Variants in AGMO observed in about 807,000 individuals in gnomAD.
AGMO encodes alkylglycerol monooxygenase.
A neutral mutation model predicts 60.2 loss-of-function variants in AGMO; 75 were observed. The observed-to-expected ratio is 1.25, with a 90% CI of 1.03 to 1.51. The LOEUF (loss-of-function observed/expected upper bound fraction) is 1.51, where lower values mean the gene tolerates loss of function less well. Ranked by LOEUF, AGMO falls within the 40% of genes most tolerant of loss-of-function variation. AGMO has a pLI of 0.00. For synonymous variants in AGMO, 261 were observed against 177.1 expected (o/e 1.47, Z -3.76); for missense variants, 763 against 525.5 (o/e 1.45, Z -4.42).
Position 15,380,356 on chromosome 7 carries a change from T to C in AGMO, c.1074+5090A>G, listed in dbSNP as rs148546014. Among the ~76,000 whole-genome samples, 533 of 152,258 alleles carry C rather than the reference T, an allele frequency of 3.5e-3. 4 individuals are homozygous for C. The highest frequency in any genetic ancestry group is 0.01 in the Middle Eastern group (3 of 294). ...TATGCAAAAATCACTGGCATTTCTA[T>C]ACACCAATGACAGTCAAACTGAGAG... is the stretch of plus-strand genomic sequence containing the variant. On this transcript the variant is annotated intron_variant, in intron 10 of 12. Transcript: ENST00000342526.
At chr7:15,227,273 C>T (rs766413361) in intron 12 of AGMO, among the ~76,000 whole-genome samples, 1 of 152,008 alleles carries the variant, frequency 6.6e-6, no homozygotes, top group Non-Finnish European at 1.5e-5. Flanking sequence ...CAGCCAATCA[C>T]ATCAAGCAAA....
At chr7:15,313,735 A>T (rs1166664737) in intron 12 of AGMO, among the ~76,000 whole-genome samples, 4 of 152,150 alleles carry the variant, frequency 2.6e-5, no homozygotes, top group African/African-American at 9.7e-5. Context: ...AACCATATAT[A>T]TACTATATTT....
chr7:15,443,218 C>G (rs972417283), intron 3 of AGMO, among the ~76,000 whole-genome samples: 5 of 152,184 alleles, frequency 3.3e-5, no homozygotes, highest in African/African-American at 1.2e-4. Flanking sequence ...TAAACACAAG[C>G]TACTTACAGA....
chr7:15,344,428 T>C (rs1289694194), intron 12 of AGMO, among the ~76,000 whole-genome samples: 1 of 152,142 alleles, frequency 6.6e-6, no homozygotes, highest in African/African-American at 2.4e-5. Context: ...GGCCAGGTAT[T>C]GTAGCTCACT....
intron 3 of AGMO, among the ~76,000 whole-genome samples, chr7:15,489,332 A>T (rs1783007367): frequency 6.6e-6 from 1 of 152,174 alleles, no homozygotes; most frequent in Non-Finnish European, 1.5e-5. Context: ...ATTCAGAGGA[A>T]ATAGAGGAAT....
At chr7:15,178,344 T>G in the AGMO span, among the ~76,000 whole-genome samples, 8 of 152,192 alleles carry the variant, frequency 5.3e-5, no homozygotes, top group African/African-American at 1.9e-4. Context: ...CTCTCAGGCC[T>G]TTGAAGGCAT....
intron 3 of AGMO, among the ~76,000 whole-genome samples, chr7:15,442,779 C>A (rs1296579743): frequency 6.6e-6 from 1 of 152,076 alleles, no homozygotes. Flanking sequence ...GCCACACCCC[C>A]ATCCTGTGCC....
At chr7:15,212,902 TAC>T (rs1165562616) in intron 12 of AGMO, among the ~76,000 whole-genome samples, 1 of 151,984 alleles carries the variant, frequency 6.6e-6, no homozygotes, top group African/African-American at 2.4e-5. Context: ...GAAAACTTAC[TAC>T]AGACTTTCAT....
At chr7:15,531,467 ATATATATTCTC>A (rs1554283620) in intron 3 of AGMO, among the ~76,000 whole-genome samples, 11 of 57,944 alleles carry the variant, frequency 1.9e-4, no homozygotes, top group South Asian at 5.3e-4. Flanking sequence ...TATATATTCT[ATATATATTCTC>A]TATATATATT....
chr7:15,355,486 CTGAG>C (rs1449643216), intron 12 of AGMO, among the ~76,000 whole-genome samples: 1 of 113,682 alleles, frequency 8.8e-6, no homozygotes, highest in Non-Finnish European at 1.6e-5. Flanking sequence ...GCCTGGACAA[CTGAG>C]TGAGACTCTG....
At chr7:15,387,868 C>G (rs1435983112) in intron 8 of AGMO, among the ~76,000 whole-genome samples, 1 of 151,224 alleles carries the variant, frequency 6.6e-6, no homozygotes, top group Non-Finnish European at 1.5e-5. Context: ...AACTAGCACC[C>G]TGTGCACTCA....
chr7:15,255,117 C>A (rs756916471), intron 12 of AGMO, among the ~76,000 whole-genome samples: 1 of 152,044 alleles, frequency 6.6e-6, no homozygotes, highest in Non-Finnish European at 1.5e-5. Flanking sequence ...AACAGAAAAC[C>A]AAACACTGCA....
At chr7:15,535,511 C>A (rs959219726) in intron 3 of AGMO, among the ~76,000 whole-genome samples, 1 of 151,916 alleles carries the variant, frequency 6.6e-6, no homozygotes, top group Non-Finnish European at 1.5e-5. Context: ...TTTGAACTTA[C>A]CTGACTGTTG....
intron 3 of AGMO, among the ~76,000 whole-genome samples, chr7:15,448,800 T>C (rs1014143744): frequency 3.3e-5 from 5 of 152,136 alleles, no homozygotes; most frequent in Non-Finnish European, 7.3e-5. Context: ...GAAGGTGGTT[T>C]GAAGGTGAGA....
At chr7:15,219,691 G>A (rs887622577) in intron 12 of AGMO, among the ~76,000 whole-genome samples, 1 of 152,090 alleles carries the variant, frequency 6.6e-6, no homozygotes. Flanking sequence ...AAGTGGGTAA[G>A]TGGATGAGAG....
chr7:15,385,589 A>G, intron 9 of AGMO, 27 bp from the exon 10 acceptor site: 1 of 1,296,446 alleles, frequency 7.7e-7, no homozygotes, highest in Non-Finnish European at 1.1e-6. Flanking sequence ...CATTTCCTTT[A>G]TATTGCTCCA....
chr7:15,430,167 A>G (rs1781186931), intron 4 of AGMO, among the ~76,000 whole-genome samples: 1 of 152,028 alleles, frequency 6.6e-6, no homozygotes, highest in South Asian at 2.1e-4. Context: ...CGTACTTATT[A>G]AATGGTATCT....
intron 3 of AGMO, among the ~76,000 whole-genome samples, chr7:15,453,790 G>A (rs979441297): frequency 6.6e-6 from 1 of 152,042 alleles, no homozygotes; most frequent in South Asian, 2.1e-4. Context: ...AGGTTTGGAG[G>A]ACACAGACGT....
intron 12 of AGMO, among the ~76,000 whole-genome samples, chr7:15,242,020 A>G (rs1190662603): frequency 6.6e-6 from 1 of 152,144 alleles, no homozygotes; most frequent in Non-Finnish European, 1.5e-5. Flanking sequence ...AATACTTCTT[A>G]AGCTTGGAAT....
Sources: allele counts gnomAD v4.1 joint callset (sites outside exome capture counted in the v4.1 genomes callset), GRCh38; gene constraint gnomAD v4.1.1; transcripts MANE v1.5; gene names NCBI Gene and HGNC (gene_info 2026-07-23, HGNC 2026-07-21).